The following TRPM6 variants were observed in gnomAD, a reference collection of about 807,000 sequenced individuals.
The protein encoded by TRPM6 is transient receptor potential cation channel subfamily M member 6.
In TRPM6, 111 loss-of-function variants were observed where a neutral mutation model predicts 247.6. The ratio of observed to expected loss-of-function variants is 0.45; its 90% CI spans 0.38 to 0.52. The LOEUF (loss-of-function observed/expected upper bound fraction) is 0.52, where lower values mean the gene tolerates loss of function less well. Ranked by LOEUF, TRPM6 falls within the 20% of genes least tolerant of loss-of-function variation. The pLI is 0.00. For missense variants in TRPM6, 2,126 were observed against 2,421.5 expected (o/e 0.88, Z 2.56); for synonymous variants, 892 against 853.8 (o/e 1.04, Z -0.78).
At chr9:74,770,830 T>C (rs1827007343) in intron 25 of TRPM6, among the ~76,000 whole-genome samples, 1 of 152,222 alleles carries the variant, frequency 6.6e-6, no homozygotes, top group Middle Eastern at 3.4e-3. Flanking sequence ...CTGTTTTATT[T>C]ATTGCCACAT....
intron 5 of TRPM6, among the ~76,000 whole-genome samples, chr9:74,836,014 G>A (rs888550043): frequency 6.6e-6 from 1 of 151,986 alleles, no homozygotes; most frequent in Non-Finnish European, 1.5e-5. Context: ...GTTTACATTA[G>A]GGTTCACTCT....
intron 37 of TRPM6, among the ~76,000 whole-genome samples, chr9:74,731,622 GA>G (rs1825524216): frequency 6.6e-6 from 1 of 150,886 alleles, no homozygotes; most frequent in South Asian, 2.1e-4. Flanking sequence ...CTAAAGCAGT[GA>G]ATATTTATGA....
At chr9:74,786,979 A>T (rs1827701686) in intron 20 of TRPM6, among the ~76,000 whole-genome samples, 1 of 152,142 alleles carries the variant, frequency 6.6e-6, no homozygotes, top group African/African-American at 2.4e-5. Context: ...CAGGTGGATC[A>T]CTTGAGGTCA....
intron 37 of TRPM6, among the ~76,000 whole-genome samples, chr9:74,730,440 T>C (rs542271370): frequency 6.6e-6 from 1 of 152,338 alleles, no homozygotes; most frequent in African/African-American, 2.4e-5. Flanking sequence ...CCCCTTCTCC[T>C]CATAGGAACG....
intron 27 of TRPM6, among the ~76,000 whole-genome samples, chr9:74,760,789 G>A (rs1826598511): frequency 6.6e-6 from 1 of 152,158 alleles, no homozygotes; most frequent in East Asian, 1.9e-4. Flanking sequence ...ACTTTAAGAG[G>A]TGACTGGATC....
At chr9:74,819,851 T>C (rs1829079142) in intron 9 of TRPM6, among the ~76,000 whole-genome samples, 1 of 152,166 alleles carries the variant, frequency 6.6e-6, no homozygotes, top group Non-Finnish European at 1.5e-5. Context: ...TTTTCTGTAG[T>C]AGAGTCTAGT....
intron 3 of TRPM6, among the ~76,000 whole-genome samples, chr9:74,845,674 A>G (rs1037255839): frequency 7.2e-5 from 11 of 151,880 alleles, no homozygotes. Flanking sequence ...CTACAAAAAA[A>G]TATAAAAAAT....
intron 1 of TRPM6, among the ~76,000 whole-genome samples, chr9:74,863,688 T>A (rs776256591): frequency 6.6e-6 from 1 of 152,138 alleles, no homozygotes; most frequent in Non-Finnish European, 1.5e-5. Context: ...TTTTACGCCA[T>A]TCTCCTGCCT....
chr9:74,742,108 A>G (rs1260730650), intron 33 of TRPM6, among the ~76,000 whole-genome samples: 1 of 152,150 alleles, frequency 6.6e-6, no homozygotes, highest in African/African-American at 2.4e-5. Flanking sequence ...GACTTTTAAA[A>G]TGACATTTGC....
chr9:74,778,696 C>T (rs1827311504), intron 23 of TRPM6, among the ~76,000 whole-genome samples: 3 of 152,288 alleles, frequency 2.0e-5, no homozygotes, highest in Middle Eastern at 3.4e-3. Context: ...ATGATGCACA[C>T]GGGCTCCCAG....
intron 18 of TRPM6, among the ~76,000 whole-genome samples, chr9:74,793,038 T>A (rs1421488156): frequency 6.6e-6 from 1 of 151,968 alleles, no homozygotes; most frequent in Non-Finnish European, 1.5e-5. Flanking sequence ...ATATCTGCAA[T>A]CCCAACTACT....
chr9:74,769,334 A>G (rs756987436), intron 25 of TRPM6, among the ~76,000 whole-genome samples: 9 of 151,992 alleles, frequency 5.9e-5, no homozygotes, highest in Non-Finnish European at 1.2e-4. Context: ...TTTTTAGTAG[A>G]GACGGGGTTT....
At chr9:74,795,333 G>A (rs981653144) in intron 18 of TRPM6, among the ~76,000 whole-genome samples, 1 of 152,046 alleles carries the variant, frequency 6.6e-6, no homozygotes, top group Non-Finnish European at 1.5e-5. Flanking sequence ...CACATTCACT[G>A]GCTGTCCGTA....
intron 18 of TRPM6, among the ~76,000 whole-genome samples, chr9:74,793,995 G>T (rs576553026): frequency 6.6e-6 from 1 of 151,924 alleles, no homozygotes; most frequent in Non-Finnish European, 1.5e-5. Flanking sequence ...GGAAGGAAAG[G>T]AAGAGAAAAG....
chr9:74,733,087 G>C (rs1014646347), intron 36 of TRPM6, among the ~76,000 whole-genome samples: 3 of 151,780 alleles, frequency 2.0e-5, no homozygotes, highest in Non-Finnish European at 4.4e-5. Flanking sequence ...TCAGCTACTC[G>C]GGAGGCTGAG....
At chr9:74,845,266 A>C (rs1830072720) in intron 3 of TRPM6, among the ~76,000 whole-genome samples, 1 of 152,256 alleles carries the variant, frequency 6.6e-6, no homozygotes, top group Non-Finnish European at 1.5e-5. Flanking sequence ...ATTATAAAAA[A>C]TGCAATATCA....
intron 25 of TRPM6, among the ~76,000 whole-genome samples, chr9:74,765,681 A>AT (rs1275823486): frequency 2.0e-5 from 3 of 152,236 alleles, no homozygotes; most frequent in Non-Finnish European, 1.5e-5. Flanking sequence ...TGATTATGCC[A>AT]TGAAGAGTTT....
intron 23 of TRPM6, among the ~76,000 whole-genome samples, chr9:74,776,921 G>A (rs1466003155): frequency 6.6e-6 from 1 of 152,162 alleles, no homozygotes; most frequent in Non-Finnish European, 1.5e-5. Flanking sequence ...AGTAGAACTG[G>A]AGGAAGGCAG....
intron 3 of TRPM6, among the ~76,000 whole-genome samples, chr9:74,852,782 C>T (rs1426024763): frequency 2.0e-5 from 3 of 152,222 alleles, no homozygotes; most frequent in Non-Finnish European, 4.4e-5. Flanking sequence ...CGGAGTCTCG[C>T]TCACTCAGTG....
Sources: allele counts gnomAD v4.1 joint callset (sites outside exome capture counted in the v4.1 genomes callset), GRCh38; gene constraint gnomAD v4.1.1; transcripts MANE v1.5; gene names NCBI Gene and HGNC (gene_info 2026-07-23, HGNC 2026-07-21).